Variants in LIMS1 observed in about 807,000 individuals in gnomAD.
LIMS1 encodes LIM zinc finger domain containing 1.
In LIMS1, 18 loss-of-function variants were observed where a neutral mutation model predicts 44.1. The observed-to-expected ratio is 0.41, with a 90% CI of 0.28 to 0.61. The LOEUF is 0.61. Among genes scored for constraint, LIMS1 ranks in the 20% least tolerant of loss-of-function variants. The probability of loss-of-function intolerance (pLI) is 0.32; values close to 1 mark genes in which losing one functional copy is unlikely to be tolerated. For missense variants in LIMS1, 201 were observed against 422.0 expected (o/e 0.48, Z 4.59); for synonymous variants, 93 against 149.1 (o/e 0.62, Z 2.74).
At chr2:108,626,232 T>C (rs1688566946) in intron 1 of LIMS1, among the ~76,000 whole-genome samples, 1 of 152,212 alleles carries the variant, frequency 6.6e-6, no homozygotes, top group African/African-American at 2.4e-5. Context: ...GTTTTAGAAA[T>C]GTAGTCTGTT....
chr2:108,598,324 G>A (rs1423779596), intron 1 of LIMS1, among the ~76,000 whole-genome samples: 1 of 152,136 alleles, frequency 6.6e-6, no homozygotes, highest in Non-Finnish European at 1.5e-5. Flanking sequence ...TGTGTCACCT[G>A]GTATGTCTTA....
chr2:108,535,565 T>C (rs1426647543), intron 1 of LIMS1, among the ~76,000 whole-genome samples: 1 of 152,254 alleles, frequency 6.6e-6, no homozygotes, highest in Non-Finnish European at 1.5e-5. Context: ...AGATATTGGC[T>C]CACTGAGTTT....
intron 1 of LIMS1, among the ~76,000 whole-genome samples, chr2:108,592,791 A>G (rs757223363): frequency 6.6e-6 from 1 of 152,202 alleles, no homozygotes; most frequent in Admixed American, 6.5e-5. Flanking sequence ...CAGATTCCTC[A>G]TCTGTAAATG....
chr2:108,682,586 A>G (rs1312564751), intron 9 of LIMS1, among the ~76,000 whole-genome samples: 2 of 152,212 alleles, frequency 1.3e-5, no homozygotes, highest in Non-Finnish European at 2.9e-5. Context: ...TCTTTTATCA[A>G]AAAAATGGCA....
chr2:108,664,867 TA>T (rs1691639638), intron 2 of LIMS1, among the ~76,000 whole-genome samples: 1 of 152,164 alleles, frequency 6.6e-6, no homozygotes, highest in Non-Finnish European at 1.5e-5. Context: ...TAAGTCCTCC[TA>T]TTCTGGTTTT....
At chr2:108,578,694 C>T (rs1007142971) in intron 1 of LIMS1, among the ~76,000 whole-genome samples, 1 of 148,656 alleles carries the variant, frequency 6.7e-6, no homozygotes, top group African/African-American at 2.5e-5. Flanking sequence ...CCCAGGTTCA[C>T]GCCATTCTCC....
intron 1 of LIMS1, among the ~76,000 whole-genome samples, chr2:108,632,409 A>G (rs986428017): frequency 6.6e-6 from 1 of 152,152 alleles, no homozygotes; most frequent in African/African-American, 2.4e-5. Context: ...GAAAGACACC[A>G]TGTTAAAAGT....
At chr2:108,547,927 A>G (rs1467388875) in intron 1 of LIMS1, among the ~76,000 whole-genome samples, 1 of 152,224 alleles carries the variant, frequency 6.6e-6, no homozygotes, top group African/African-American at 2.4e-5. Flanking sequence ...TCATCCGTCA[A>G]ATGAGCAGCC....
intron 1 of LIMS1, among the ~76,000 whole-genome samples, chr2:108,617,933 G>A (rs973606260): frequency 1.3e-5 from 2 of 152,174 alleles, no homozygotes; most frequent in Non-Finnish European, 2.9e-5. Context: ...TGTAATTAGG[G>A]CCAGACCAAT....
chr2:108,621,325 A>G (rs1688223594), intron 1 of LIMS1: 2 of 1,549,698 alleles, frequency 1.3e-6, no homozygotes, highest in African/African-American at 1.4e-5. Flanking sequence ...AATGCTTTAA[A>G]GTGTCAGCAA....
At chr2:108,633,816 T>C (rs1007283787) in intron 1 of LIMS1, among the ~76,000 whole-genome samples, 7 of 152,336 alleles carry the variant, frequency 4.6e-5, no homozygotes, top group Middle Eastern at 3.4e-3. Flanking sequence ...TTAAGTTTTA[T>C]TTTATATTAT....
chr2:108,627,674 A>G (rs544102172), intron 1 of LIMS1, among the ~76,000 whole-genome samples: 1 of 152,326 alleles, frequency 6.6e-6, no homozygotes, highest in Middle Eastern at 3.4e-3. Flanking sequence ...CTGACTTTGG[A>G]TAGATGTTAT....
At chr2:108,627,773 T>C (rs1324998034) in intron 1 of LIMS1, among the ~76,000 whole-genome samples, 1 of 152,248 alleles carries the variant, frequency 6.6e-6, no homozygotes, top group Non-Finnish European at 1.5e-5. Context: ...TTGGCTATTC[T>C]GTGACTAAAA....
intron 1 of LIMS1, among the ~76,000 whole-genome samples, chr2:108,653,115 G>C (rs1690616107): frequency 6.6e-6 from 1 of 152,122 alleles, no homozygotes; most frequent in South Asian, 2.1e-4. Context: ...GTTCAAAGTA[G>C]AAAGACTTGG....
chr2:108,572,574 C>T (rs1216718657), intron 1 of LIMS1, among the ~76,000 whole-genome samples: 1 of 151,988 alleles, frequency 6.6e-6, no homozygotes, highest in Non-Finnish European at 1.5e-5. Flanking sequence ...TTAGTACAGA[C>T]AGGGTTTCAC....
At chr2:108,603,445 T>C (rs1319577896) in intron 1 of LIMS1, among the ~76,000 whole-genome samples, 4 of 152,026 alleles carry the variant, frequency 2.6e-5, no homozygotes, top group Admixed American at 2.6e-4. Context: ...TAGCCACTAA[T>C]GATCCTTTGA....
intron 1 of LIMS1, among the ~76,000 whole-genome samples, chr2:108,637,991 T>C (rs1689394363): frequency 6.6e-6 from 1 of 151,802 alleles, no homozygotes; most frequent in Non-Finnish European, 1.5e-5. Context: ...TAGTAGCGCC[T>C]ACAGGTGCAT....
chr2:108,658,804 T>C (rs1197447931), intron 1 of LIMS1, among the ~76,000 whole-genome samples: 3 of 152,424 alleles, frequency 2.0e-5, no homozygotes. Context: ...CGTGGTGGTA[T>C]CCCTGTCATG....
intron 1 of LIMS1, among the ~76,000 whole-genome samples, chr2:108,601,714 G>A (rs538790621): frequency 5.3e-5 from 8 of 152,076 alleles, no homozygotes; most frequent in East Asian, 1.9e-4. Flanking sequence ...ACAGGGTTTC[G>A]CCATGTTGGC....
Sources: gnomAD v4.1 joint callset for allele counts (sites outside exome capture counted in the v4.1 genomes callset) on GRCh38, gnomAD v4.1.1 for gene constraint, MANE v1.5 for transcripts, NCBI Gene and HGNC (gene_info 2026-07-23, HGNC 2026-07-21) for gene names.